Variants in IPCEF1 observed in about 807,000 individuals in gnomAD.
The protein encoded by IPCEF1 is interaction protein for cytohesin exchange factors 1.
Under a neutral mutation model 50.9 loss-of-function variants are expected in IPCEF1, and 31 were observed. The observed-to-expected ratio is 0.61, with a 90% CI of 0.46 to 0.82. The LOEUF (loss-of-function observed/expected upper bound fraction) is 0.82. Ranked by LOEUF, IPCEF1 falls within the 40% of genes least tolerant of loss-of-function variation. The pLI, the probability that IPCEF1 is intolerant of heterozygous loss-of-function variation, is 0.00. For synonymous variants in IPCEF1, 181 were observed against 192.0 expected (o/e 0.94, Z 0.47); for missense variants, 458 against 514.0 (o/e 0.89, Z 1.05).
chr6:154,177,335 A>G (rs1800421181), intron 10 of IPCEF1, among the ~76,000 whole-genome samples: 1 of 152,270 alleles, frequency 6.6e-6, no homozygotes, highest in Non-Finnish European at 1.5e-5. Flanking sequence ...AGAAACTATC[A>G]TCAAAGTGAA....
intron 5 of IPCEF1, among the ~76,000 whole-genome samples, chr6:154,243,998 C>T (rs533778602): frequency 6.6e-6 from 1 of 152,312 alleles, no homozygotes; most frequent in East Asian, 1.9e-4. Context: ...ACTCTGCTAC[C>T]TCTCAGCATT....
intron 8 of IPCEF1, among the ~76,000 whole-genome samples, 175 bp downstream of exon 8, chr6:154,214,043 T>C (rs946170368): frequency 6.6e-6 from 1 of 152,204 alleles, no homozygotes; most frequent in Non-Finnish European, 1.5e-5. Context: ...CTCTATTCCA[T>C]GTTGGTGAGT....
chr6:154,320,877 T>C (rs924868222), intron 1 of IPCEF1, among the ~76,000 whole-genome samples: 2 of 152,118 alleles, frequency 1.3e-5, no homozygotes, highest in Admixed American at 1.3e-4. Context: ...TATAGACATA[T>C]ATAGAGAGAC....
chr6:154,331,233 A>C lies in IPCEF1; in HGVS notation c.-62+25439T>G, dbSNP rs1271581370. 2.0e-5 allele frequency among the ~76,000 whole-genome samples: 3 copies of C among 151,770 alleles called. No homozygotes were observed. The East Asian group carries it at 5.8e-4, about 29-fold the overall frequency. On this transcript the variant is annotated intron_variant, in intron 1 of 11. Coordinates refer to ENST00000367220, the MANE Select transcript of IPCEF1 (RefSeq NM_001130700.2). ...AGTAAGCTGAGGGTCACACTGCTGC[A>C]CTCCAGCTGGGGCGATAGAGTGAGA...
chr6:154,244,295 T>TGG (rs2073534365), intron 5 of IPCEF1, among the ~76,000 whole-genome samples: 2 of 71,014 alleles, frequency 2.8e-5, no homozygotes, highest in South Asian at 6.6e-4. Flanking sequence ...GGTGTGTGTG[T>TGG]GGGTGGGTGT....
intron 5 of IPCEF1, among the ~76,000 whole-genome samples, chr6:154,236,749 G>A (rs557833189): frequency 1.3e-5 from 2 of 152,190 alleles, no homozygotes; most frequent in South Asian, 2.1e-4. Flanking sequence ...ACATAGAGGC[G>A]AGGCCCAGAG....
In IPCEF1 at chr6:154,285,504, A is replaced by G. The variant is rs556386242; in HGVS notation, c.-18+4209T>C. ...GCTAAAATTTAAAAAAAGCAAAAATATTATTAACCAGGAAAACAATAGCTC... is the reference window on the plus strand; with the variant it reads ...GCTAAAATTTAAAAAAAGCAAAAATGTTATTAACCAGGAAAACAATAGCTC... On this transcript the variant is annotated intron_variant, in intron 2 of 11. Transcript: ENST00000367220. Among the ~76,000 whole-genome samples, 5 of 152,330 alleles carry G rather than the reference A, an allele frequency of 3.3e-5. No homozygotes were observed. In the East Asian group the frequency reaches 5.8e-4, roughly 18 times the overall value.
intron 1 of IPCEF1, among the ~76,000 whole-genome samples, chr6:154,334,181 T>C (rs1006449105): frequency 5.3e-5 from 8 of 152,202 alleles, no homozygotes; most frequent in Non-Finnish European, 1.0e-4. Flanking sequence ...GTCTAACTCA[T>C]ACATCAGTGT....
chr6:154,302,990 A>G (rs1473961924), intron 1 of IPCEF1, among the ~76,000 whole-genome samples: 1 of 151,844 alleles, frequency 6.6e-6, no homozygotes, highest in East Asian at 1.9e-4. Flanking sequence ...ACTACTTATC[A>G]TCTTTAGTGA....
At chr6:154,188,938 AAAAAAGCATTTAACCAT>A (rs2128578294) in intron 10 of IPCEF1, among the ~76,000 whole-genome samples, 1 of 152,092 alleles carries the variant, frequency 6.6e-6, no homozygotes, top group South Asian at 2.1e-4. Context: ...TTGATACCAA[AAAAAAGCATTTAACCAT>A]AAAGGAAAGG....
At chr6:154,287,537 G>T (rs115496719) in intron 2 of IPCEF1, among the ~76,000 whole-genome samples, 1 of 152,182 alleles carries the variant, frequency 6.6e-6, no homozygotes, top group South Asian at 2.1e-4. Flanking sequence ...TAAGCAGTTT[G>T]CCCAAGGTCA....
intron 1 of IPCEF1, among the ~76,000 whole-genome samples, chr6:154,312,932 T>A (rs994922366): frequency 6.6e-6 from 1 of 151,906 alleles, no homozygotes; most frequent in Non-Finnish European, 1.5e-5. Context: ...TTAGAACTTT[T>A]TCTTGGGCAG....
At chr6:154,333,694 A>G (rs1408792154) in intron 1 of IPCEF1, among the ~76,000 whole-genome samples, 3 of 151,616 alleles carry the variant, frequency 2.0e-5, no homozygotes, top group Non-Finnish European at 4.4e-5. Context: ...ATGTGTATAT[A>G]TAGTGCGTTT....
At chr6:154,352,769 G>A (rs1484006228) in intron 1 of IPCEF1, among the ~76,000 whole-genome samples, 1 of 152,144 alleles carries the variant, frequency 6.6e-6, no homozygotes, top group Non-Finnish European at 1.5e-5. Flanking sequence ...CTAACAACAG[G>A]AATGATAATT....
intron 1 of IPCEF1, among the ~76,000 whole-genome samples, chr6:154,296,776 C>T (rs151009709): frequency 0.016 from 2,427 of 147,464 alleles, 31 homozygotes; most frequent in Middle Eastern, 0.035. Context: ...TTGCAGTGAG[C>T]GGAGATCACC....
chr6:154,189,525 T>C (rs1374359933), intron 10 of IPCEF1, among the ~76,000 whole-genome samples: 1 of 152,096 alleles, frequency 6.6e-6, no homozygotes, highest in African/African-American at 2.4e-5. Flanking sequence ...AGAGAGACTA[T>C]AGCAAATAAC....
intron 5 of IPCEF1, among the ~76,000 whole-genome samples, chr6:154,245,140 A>G (rs1206833168): frequency 6.6e-6 from 1 of 152,204 alleles, no homozygotes; most frequent in Non-Finnish European, 1.5e-5. Flanking sequence ...GTAAAACCAT[A>G]CATGCTAGAC....
chr6:154,238,456 G>C (rs751757065), intron 5 of IPCEF1, among the ~76,000 whole-genome samples: 1 of 152,074 alleles, frequency 6.6e-6, no homozygotes, highest in South Asian at 2.1e-4. Context: ...AATACAGACA[G>C]GGTTTCTCCA....
intron 10 of IPCEF1, among the ~76,000 whole-genome samples, chr6:154,169,392 G>T (rs564524246): frequency 6.6e-6 from 1 of 152,166 alleles, no homozygotes; most frequent in Non-Finnish European, 1.5e-5. Context: ...TCTAAACCAG[G>T]TATTGCTGAA....
Sources: gnomAD v4.1 joint callset for allele counts (sites outside exome capture counted in the v4.1 genomes callset) on GRCh38, gnomAD v4.1.1 for gene constraint, MANE v1.5 for transcripts, NCBI Gene and HGNC (gene_info 2026-07-23, HGNC 2026-07-21) for gene names.